The following SPAG17 variants were observed in gnomAD, a reference collection of about 807,000 sequenced individuals.
The protein encoded by SPAG17 is sperm-associated antigen 17.
Under a neutral mutation model 273.6 loss-of-function variants are expected in SPAG17, and 169 were observed. The ratio of observed to expected loss-of-function variants is 0.62; its 90% CI spans 0.55 to 0.70. SPAG17 has a LOEUF of 0.70. Among genes scored for constraint, SPAG17 ranks in the 30% least tolerant of loss-of-function variants. The probability of loss-of-function intolerance (pLI) is 0.00; values close to 1 mark genes in which losing one functional copy is unlikely to be tolerated. For synonymous variants in SPAG17, 825 were observed against 873.2 expected, an observed-to-expected ratio of 0.94 and a Z score of 0.97; for missense variants, 2,557 against 2,627.8, an observed-to-expected ratio of 0.97 and a Z score of 0.59.
At chr1:118,004,180 T>C (rs1399266839) in intron 32 of SPAG17, among the ~76,000 whole-genome samples, 1 of 152,216 alleles carries the variant, frequency 6.6e-6, no homozygotes, top group Non-Finnish European at 1.5e-5. Context: ...ATCCTTCCTC[T>C]GGAAGCTTCG....
chr1:117,998,290 A>G (rs1657884617), intron 32 of SPAG17, among the ~76,000 whole-genome samples: 1 of 152,166 alleles, frequency 6.6e-6, no homozygotes, highest in African/African-American at 2.4e-5. Flanking sequence ...CATTTATCCC[A>G]GTACCATTTA....
chr1:117,994,566 A>G (rs1421047069), intron 34 of SPAG17, 36 bp from the exon 35 acceptor site: 3 of 1,578,174 alleles, frequency 1.9e-6, no homozygotes, highest in Non-Finnish European at 2.6e-6. Context: ...ACCATTACCC[A>G]TTGAAAGTAC....
intron 2 of SPAG17, 84 bp from the exon 3 acceptor site, chr1:118,150,713 T>A: frequency 1.3e-6 from 1 of 749,772 alleles, no homozygotes; most frequent in Non-Finnish European, 2.2e-6. Context: ...AATATCTAGG[T>A]GATCTGAAGG....
At chr1:118,072,542 C>T (rs957322836) in intron 17 of SPAG17, among the ~76,000 whole-genome samples, 33 of 152,194 alleles carry the variant, frequency 2.2e-4, no homozygotes, top group African/African-American at 7.5e-4. Context: ...GAGTGACTTA[C>T]TCAGTAGTAG....
At chr1:118,084,238 G>A (rs1654821991) in intron 13 of SPAG17, among the ~76,000 whole-genome samples, 1 of 152,140 alleles carries the variant, frequency 6.6e-6, no homozygotes, top group Non-Finnish European at 1.5e-5. Context: ...TCAATGGTAG[G>A]ACTCAGAAGT....
chr1:117,996,888 T>A, intron 32 of SPAG17, 145 bp from the exon 33 acceptor site: 1 of 785,198 alleles, frequency 1.3e-6, no homozygotes, highest in Non-Finnish European at 2.0e-6. Flanking sequence ...GTTTACTAAG[T>A]AGAGACTGCA....
chr1:118,087,189 G>A (rs777254270), intron 10 of SPAG17, 181 bp from the exon 11 acceptor site: 11 of 463,954 alleles, frequency 2.4e-5, no homozygotes, highest in Admixed American at 4.0e-5. Flanking sequence ...AAAAGTGTTC[G>A]CAATCCATGC....
chr1:117,959,455 A>G lies in SPAG17; in HGVS notation c.*4344T>C, dbSNP rs1571051315. ...ATTCTAACGTTGACTTAGAACTGAA[A>G]TGTGGTATCTTTTTTTTTTTCAACT... On this transcript the variant is annotated intron_variant, in intron 48 of 48. Transcript: ENST00000336338. 5.0e-6 allele frequency: 8 copies of G among 1,588,156 alleles called. No individual in the cohort carries two copies. The African/African-American group carries it at 5.4e-5, about 11-fold the overall frequency.
chr1:118,150,287 T>C, intron 3 of SPAG17: 1 of 271,066 alleles, frequency 3.7e-6, no homozygotes, highest in Non-Finnish European at 6.9e-6. Context: ...ATTTATATTT[T>C]TCAATTATTT....
In SPAG17 at chr1:118,009,248, AACACACACACACACAC is replaced by A. The variant is rs55873088; in HGVS notation, c.4433-1066_4433-1051del. ...AAGAGTGTAGACTTTAGGTGCTCAT[AACACACACACACACAC>A]ACACACACACACACACACACACACA... On this transcript the variant is annotated intron_variant, in intron 30 of 48. Transcript: ENST00000336338. Among the ~76,000 whole-genome samples, 18 of 142,694 alleles carry A rather than the reference AACACACACACACACAC, an allele frequency of 1.3e-4. No individual in the cohort carries two copies. The East Asian group carries it at 2.2e-3, about 18-fold the overall frequency. The allele number at this position is 142,694 out of a possible 152,430, so 93.6% of individuals were successfully genotyped here.
intron 30 of SPAG17, among the ~76,000 whole-genome samples, 186 bp from the exon 31 acceptor site, chr1:118,008,384 T>C (rs1659131127): frequency 1.3e-5 from 2 of 152,160 alleles, no homozygotes; most frequent in South Asian, 2.1e-4. Flanking sequence ...TTCTTGTCAA[T>C]TCATAATAAT....
chr1:118,184,667 C>T (rs773070984), intron 1 of SPAG17, among the ~76,000 whole-genome samples: 1 of 152,152 alleles, frequency 6.6e-6, no homozygotes, highest in East Asian at 1.9e-4. Flanking sequence ...TTTATTAAAG[C>T]CCTATTATGG....
chr1:118,065,748 T>G (rs2102056429), intron 18 of SPAG17, among the ~76,000 whole-genome samples: 1 of 152,228 alleles, frequency 6.6e-6, no homozygotes, highest in Middle Eastern at 3.4e-3. Context: ...TTGATATGAC[T>G]TAATGACCAT....
Position 118,041,894 on chromosome 1 carries a change from G to A in SPAG17, c.2963C>T (p.Pro988Leu). ...TTCTTCTTTAGATTTCTCCTTGTAA[G>A]GTGATTTTTTCTTCAAAGACCTACT... is the stretch of plus-strand genomic sequence containing the variant. ...EDSRSLKKKSPYKEKSKEEQV... is the reference protein window; with the variant it reads ...EDSRSLKKKSLYKEKSKEEQV... The change falls in exon 21 of 49, where the codon CCT (proline) becomes CTT (leucine). Residue 988 changes from proline to leucine, a missense_variant. Coordinates refer to ENST00000336338, the MANE Select transcript of SPAG17 (RefSeq NM_206996.4). The A allele has an allele frequency of 2.5e-6, 4 of 1,613,696 alleles. No individual in the cohort carries two copies. The highest frequency in any genetic ancestry group is 4.5e-5 in the East Asian group (2 of 44,840).
chr1:118,062,380 A>G (rs1170098996), intron 18 of SPAG17, among the ~76,000 whole-genome samples: 2 of 149,530 alleles, frequency 1.3e-5, no homozygotes, highest in Non-Finnish European at 3.0e-5. Flanking sequence ...AAAAAAAAAA[A>G]AAAAAAATTA....
intron 48 of SPAG17, among the ~76,000 whole-genome samples, chr1:117,957,699 T>TTTG (rs138062448): frequency 6.6e-6 from 1 of 152,228 alleles, no homozygotes; most frequent in African/African-American, 2.4e-5. Flanking sequence ...TTGTGATTTC[T>TTTG]TTGTTGTTGT....
chr1:118,115,330 G>A lies in SPAG17; in HGVS notation c.427C>T (p.Arg143Ter), dbSNP rs370557283. 3.7e-6 allele frequency: 6 copies of A among 1,613,276 alleles called. No individual in the cohort carries two copies. The African/African-American group carries it at 5.3e-5, about 14-fold the overall frequency. Residue 143 changes from arginine (R) to a stop codon, truncating the protein, a stop_gained, in exon 4 of 49, where the codon CGA (arginine) becomes TGA (stop). Coordinates refer to ENST00000336338, the MANE Select transcript of SPAG17 (RefSeq NM_206996.4). LOFTEE classifies it high-confidence loss of function. Reference sequence around the variant, plus strand: ...AGTACCTTCTTTTCATTTTCCCGTCGCTGTTGGTCCTTAAATTTAATCTGG... The same window carrying A: ...AGTACCTTCTTTTCATTTTCCCGTCACTGTTGGTCCTTAAATTTAATCTGG... ...LLQIKFKDQQRRENEKKVIED... is the reference protein window; with the variant it reads ...LLQIKFKDQQ
chr1:118,064,233 T>G (rs1395490542), intron 18 of SPAG17, among the ~76,000 whole-genome samples: 1 of 152,118 alleles, frequency 6.6e-6, no homozygotes, highest in Non-Finnish European at 1.5e-5. Flanking sequence ...ATCCCATTAT[T>G]GAGTATATAC....
At chr1:118,012,944 G>C (rs1659624748) in intron 29 of SPAG17, among the ~76,000 whole-genome samples, 1 of 152,158 alleles carries the variant, frequency 6.6e-6, no homozygotes, top group African/African-American at 2.4e-5. Flanking sequence ...GTGAGCTTGA[G>C]GGGTATGAGA....
Sources: allele counts gnomAD v4.1 joint callset (sites outside exome capture counted in the v4.1 genomes callset), GRCh38; gene constraint gnomAD v4.1.1; transcripts MANE v1.5; gene names NCBI Gene and HGNC (gene_info 2026-07-23, HGNC 2026-07-21).